The following SAMD4A variants were observed in gnomAD, a reference collection of about 807,000 sequenced individuals.
SAMD4A encodes protein Smaug homolog 1.
A neutral mutation model predicts 81.3 loss-of-function variants in SAMD4A; 33 were observed. The observed-to-expected ratio is 0.41, with a 90% CI of 0.31 to 0.54. The LOEUF (loss-of-function observed/expected upper bound fraction) is 0.54. Ranked by LOEUF, SAMD4A falls within the 20% of genes least tolerant of loss-of-function variation. The probability of loss-of-function intolerance (pLI) is 0.37; values close to 1 mark genes in which losing one functional copy is unlikely to be tolerated. For synonymous variants in SAMD4A, 389 were observed against 382.1 expected, an observed-to-expected ratio of 1.02 and a Z score of -0.21; for missense variants, 854 against 951.1, an observed-to-expected ratio of 0.90 and a Z score of 1.34.
intron 2 of SAMD4A, among the ~76,000 whole-genome samples, chr14:54,573,434 G>T (rs989876755): frequency 6.6e-6 from 1 of 152,150 alleles, no homozygotes; most frequent in African/African-American, 2.4e-5. Flanking sequence ...TCCTACAGAA[G>T]TCTAATTCTA....
In SAMD4A at chr14:54,614,839, C is replaced by T. The variant is rs544314393; in HGVS notation, c.196+46727C>T. Among the ~76,000 whole-genome samples the T allele has an allele frequency of 3.3e-5, 5 of 152,280 alleles. No individual in the cohort carries two copies. The East Asian group carries it at 9.6e-4, about 29-fold the overall frequency. On this transcript the variant is annotated intron_variant, in intron 2 of 12. Coordinates refer to ENST00000554335, the MANE Select transcript of SAMD4A (RefSeq NM_015589.6). Reference sequence around the variant, plus strand: ...TCCCGATTTAGAGAGAGACCTGTGACATGGGAAGTGGCTCTGTGATTGTCT... The same window carrying T: ...TCCCGATTTAGAGAGAGACCTGTGATATGGGAAGTGGCTCTGTGATTGTCT...
rs142804690 is a variant in SAMD4A at position 54,681,169 on chromosome 14, C to G, written c.197-20893C>G. On this transcript the variant is annotated intron_variant, in intron 2 of 12. Transcript: ENST00000554335. ...ACCAGGAGTAAGGCTGCAGAAAGACCCCCCCTCCAGCCCCCCAGCCCCCCA... is the reference window on the plus strand; with the variant it reads ...ACCAGGAGTAAGGCTGCAGAAAGACGCCCCCTCCAGCCCCCCAGCCCCCCA... Among the ~76,000 whole-genome samples, 277 of 149,928 alleles carry G rather than the reference C, an allele frequency of 1.8e-3. 1 individual carries two copies. The highest frequency in any genetic ancestry group is 6.3e-3 in the African/African-American group (255 of 40,416).
At chr14:54,724,382 A>G (rs952416002) in intron 3 of SAMD4A, among the ~76,000 whole-genome samples, 1 of 152,154 alleles carries the variant, frequency 6.6e-6, no homozygotes, top group East Asian at 1.9e-4. Flanking sequence ...TCAGCTTGCT[A>G]TCTGTGAAAT....
chr14:54,640,190 T>G (rs907062288), intron 2 of SAMD4A, among the ~76,000 whole-genome samples: 3 of 152,148 alleles, frequency 2.0e-5, no homozygotes, highest in Non-Finnish European at 4.4e-5. Flanking sequence ...CCAGAAATGG[T>G]TTTCCCTCTT....
intron 2 of SAMD4A, among the ~76,000 whole-genome samples, chr14:54,629,156 A>G (rs1366000525): frequency 1.3e-5 from 2 of 152,160 alleles, no homozygotes; most frequent in Admixed American, 6.5e-5. Context: ...AGCACCAGGT[A>G]TTAATAATCA....
At chr14:54,660,904 A>G (rs1438962874) in intron 2 of SAMD4A, among the ~76,000 whole-genome samples, 10 of 152,206 alleles carry the variant, frequency 6.6e-5, no homozygotes, top group Non-Finnish European at 1.3e-4. Context: ...GTGTGTAATC[A>G]TTGCATTGAG....
intron 12 of SAMD4A, among the ~76,000 whole-genome samples, chr14:54,785,043 G>C (rs1387567305): frequency 6.6e-6 from 1 of 152,206 alleles, no homozygotes; most frequent in Non-Finnish European, 1.5e-5. Context: ...AGATCCCCCA[G>C]CCTGGTCCAA....
intron 9 of SAMD4A, among the ~76,000 whole-genome samples, chr14:54,774,263 C>G (rs2038779327): frequency 6.6e-6 from 1 of 152,214 alleles, no homozygotes; most frequent in African/African-American, 2.4e-5. Flanking sequence ...GGAGAGAGCA[C>G]CTACTTCATA....
chr14:54,667,261 A>C (rs996432976), intron 2 of SAMD4A, among the ~76,000 whole-genome samples: 7 of 152,108 alleles, frequency 4.6e-5, no homozygotes, highest in African/African-American at 1.7e-4. Context: ...GCTGTTACCA[A>C]CTCTGCAAGT....
chr14:54,777,919 A>AGAAACATGATAAAATTT (rs1296066284), intron 11 of SAMD4A, among the ~76,000 whole-genome samples: 18 of 152,190 alleles, frequency 1.2e-4, no homozygotes, highest in Admixed American at 1.2e-3. Context: ...CTTCCTGGGA[A>AGAAACATGATAAAATTT]GAAACATGAT....
At chr14:54,667,027 T>C (rs1404752195) in intron 2 of SAMD4A, among the ~76,000 whole-genome samples, 1 of 152,180 alleles carries the variant, frequency 6.6e-6, no homozygotes, top group Non-Finnish European at 1.5e-5. Context: ...TTAAACCAAC[T>C]TCTCACCTTT....
At chr14:54,617,802 T>G (rs2034525069) in intron 2 of SAMD4A, among the ~76,000 whole-genome samples, 1 of 152,236 alleles carries the variant, frequency 6.6e-6, no homozygotes. Flanking sequence ...TCTGCACTCA[T>G]AACCATGCCT....
intron 2 of SAMD4A, among the ~76,000 whole-genome samples, chr14:54,695,116 T>C (rs1206824950): frequency 6.6e-6 from 1 of 152,206 alleles, no homozygotes; most frequent in Non-Finnish European, 1.5e-5. Flanking sequence ...CAAGGGACAG[T>C]AGCATTTTGA....
intron 2 of SAMD4A, 128 bp from the exon 3 acceptor site, chr14:54,701,934 C>T (rs1413592469): frequency 6.9e-6 from 7 of 1,008,748 alleles, no homozygotes; most frequent in Non-Finnish European, 9.9e-6. Flanking sequence ...GATTCACAGG[C>T]TCTTTTGAGA....
At chr14:54,649,766 G>T (rs1253776727) in intron 2 of SAMD4A, among the ~76,000 whole-genome samples, 2 of 152,188 alleles carry the variant, frequency 1.3e-5, no homozygotes, top group South Asian at 2.1e-4. Context: ...GCTGTAAAAA[G>T]ATTATTTTAG....
At chr14:54,570,573 A>T (rs1436329320) in intron 2 of SAMD4A, among the ~76,000 whole-genome samples, 2 of 152,228 alleles carry the variant, frequency 1.3e-5, no homozygotes, top group African/African-American at 4.8e-5. Context: ...AGAGACAGAA[A>T]AACTGTAACT....
intron 2 of SAMD4A, among the ~76,000 whole-genome samples, chr14:54,604,665 G>A (rs1486088607): frequency 1.3e-5 from 2 of 152,008 alleles, no homozygotes; most frequent in East Asian, 1.9e-4. Flanking sequence ...ATGAAAAAAG[G>A]GCTCCCTGTC....
chr14:54,678,790 C>G (rs1056138480), intron 2 of SAMD4A, among the ~76,000 whole-genome samples: 1 of 152,028 alleles, frequency 6.6e-6, no homozygotes, highest in Non-Finnish European at 1.5e-5. Context: ...CCTCGTGATC[C>G]GCCCGCCTCG....
intron 2 of SAMD4A, among the ~76,000 whole-genome samples, chr14:54,695,457 T>TC (rs1194973915): frequency 6.6e-6 from 1 of 152,126 alleles, no homozygotes. Context: ...GTGACTGGCT[T>TC]CCCCCAGAAC....
Sources: gnomAD v4.1 joint callset for allele counts (sites outside exome capture counted in the v4.1 genomes callset) on GRCh38, gnomAD v4.1.1 for gene constraint, MANE v1.5 for transcripts, NCBI Gene and HGNC (gene_info 2026-07-23, HGNC 2026-07-21) for gene names.